Variants in SYNGR3 observed in about 807,000 individuals in gnomAD.
SYNGR3 encodes synaptogyrin-3.
SYNGR3 carries 10 observed loss-of-function variants against 18.5 expected under a neutral mutation model. That is an observed-to-expected ratio of 0.54 (90% CI 0.33 to 0.92). The LOEUF (loss-of-function observed/expected upper bound fraction) is 0.92. Ranked by LOEUF, SYNGR3 falls within the 40% of genes least tolerant of loss-of-function variation. The probability of loss-of-function intolerance (pLI) is 0.02; values close to 1 mark genes in which losing one functional copy is unlikely to be tolerated. For missense variants in SYNGR3, 335 were observed against 332.8 expected (o/e 1.01, Z -0.05); for synonymous variants, 188 against 157.2 (o/e 1.20, Z -1.47).
At position 1,992,863 on chromosome 16, in the gene SYNGR3, G is replaced by A. The variant is rs780719847; in HGVS notation, c.481G>A (p.Val161Met). The change falls in exon 4 of 4, where the codon GTG (valine) becomes ATG (methionine). Residue 161 changes from valine to methionine, a missense_variant and splice_region_variant. Physicochemically the swap from Val to Met is conservative, Grantham distance 21 (BLOSUM62 1). Coordinates refer to ENST00000248121, the MANE Select transcript of SYNGR3 (RefSeq NM_004209.6). ...AFSFFSILSW[V>M]ALTVKALQRF... The stretch of plus-strand genomic sequence containing the variant: ...ACCCCGCTGACCCCGCCCCGCGCAG[G>A]TGGCGCTCACCGTGAAGGCCCTGCA... 9 of 1,562,968 alleles carry A rather than the reference G, an allele frequency of 5.8e-6. No homozygotes were observed. The highest frequency in any genetic ancestry group is 7.8e-6 in the Non-Finnish European group (9 of 1,154,554).
rs538632858 is a variant in SYNGR3, at chr16:1,992,399, G to T, written c.337+188G>T. The T allele has an allele frequency of 8.5e-6, 6 of 709,768 alleles. No individual in the cohort carries two copies. The Admixed American group carries it at 1.7e-4, about 20-fold the overall frequency. The allele number at this position is 709,768 out of a possible 1,614,324, so 44.0% of individuals were successfully genotyped here. ...AGGGGGCGGAGCCTGGACGGGGAGC[G>T]CCGCGGGACTTTCTAGGTAGGCGGG... On this transcript the variant is annotated intron_variant, in intron 2 of 3. Coordinates refer to ENST00000248121, the MANE Select transcript of SYNGR3 (RefSeq NM_004209.6).
intron 2 of SYNGR3, 45 bp downstream of exon 2, chr16:1,992,256 G>C: frequency 1.1e-6 from 1 of 939,576 alleles, no homozygotes; most frequent in Non-Finnish European, 1.5e-6. Flanking sequence ...TTCCGGGTGG[G>C]CGGGGAGGGG....
In SYNGR3 at chr16:1,993,511, TC is replaced by T. The variant is rs1457656475; in HGVS notation, c.*442del. ...TCCTGGCCACTGTTCCCATCCCATGTCCCTGTGGGTAGTGACTGTCTCGTTT... is the reference window on the plus strand; with the variant it reads ...TCCTGGCCACTGTTCCCATCCCATGTCCTGTGGGTAGTGACTGTCTCGTTT... On this transcript the variant is annotated 3_prime_UTR_variant, in exon 4 of 4. Coordinates refer to ENST00000248121, the MANE Select transcript of SYNGR3 (RefSeq NM_004209.6). 1 of 470,056 alleles carries T rather than the reference TC, an allele frequency of 2.1e-6. No homozygotes were observed. Among genetic ancestry groups the T allele is most frequent in the Admixed American group, 2.3e-5 (1 of 42,916 alleles). The allele number at this position is 470,056 out of a possible 1,614,324, so 29.1% of individuals were successfully genotyped here.
In SYNGR3 at chr16:1,992,774, G is replaced by C; in HGVS notation, c.476G>C (p.Ser159Thr). The C allele has an allele frequency of 1.3e-6, 2 of 1,562,794 alleles. No homozygotes were observed. The highest frequency in any genetic ancestry group is 1.7e-6 in the Non-Finnish European group (2 of 1,158,740). Residue 159 changes from serine to threonine, a missense_variant, in exon 3 of 4, where the codon AGC becomes ACC. Coordinates refer to ENST00000248121, the MANE Select transcript of SYNGR3 (RefSeq NM_004209.6). Reference protein sequence around the residue: ...AIAFSFFSILSWVALTVKALQ... With the variant: ...AIAFSFFSILTWVALTVKALQ... ...GCCTTCAGCTTCTTCTCCATCCTCA[G>C]CTGGGTGAGTGCGGGGCCCGGGAGG...
At chr16:1,992,488 C>T (rs1249725428) in intron 2 of SYNGR3, 148 bp from the exon 3 acceptor site, 4 of 1,149,462 alleles carry the variant, frequency 3.5e-6, no homozygotes, top group Non-Finnish European at 3.5e-6. Flanking sequence ...GCGGGGTCAG[C>T]GCAGGAGAGG....
At chr16:1,992,836 T>C (rs1032333358) in intron 3 of SYNGR3, 27 bp from the exon 4 acceptor site, 1 of 1,516,816 alleles carries the variant, frequency 6.6e-7, no homozygotes, top group Non-Finnish European at 8.8e-7. Flanking sequence ...TGATCCCGGC[T>C]GACCCCGCTG....
In SYNGR3 at chr16:1,993,025, G is replaced by A. The variant is rs2083613599; in HGVS notation, c.643G>A (p.Glu215Lys). The A allele has an allele frequency of 3.1e-6, 5 of 1,611,964 alleles. No individual in the cohort carries two copies. Among genetic ancestry groups the A allele is most frequent in the Non-Finnish European group, 4.2e-6 (5 of 1,179,700 alleles). Residue 215 changes from glutamate (E) to lysine (K), a missense_variant, in exon 4 of 4, where the codon GAG becomes AAG. Transcript: ENST00000248121. ...TETYQSPPFT[E>K]TLDTSPKGYQ... ...GACCTACCAGAGCCCGCCCTTCACC[G>A]AGACCCTGGACACCAGCCCCAAAGG...
In SYNGR3 at chr16:1,993,520, G is replaced by A. The variant is rs1268470982; in HGVS notation, c.*448G>A. 4 of 467,736 alleles carry A rather than the reference G, an allele frequency of 8.6e-6. No homozygotes were observed. Among genetic ancestry groups the A allele is most frequent in the African/African-American group, 2.0e-5 (1 of 50,560 alleles). The allele number at this position is 467,736 out of a possible 1,614,324, so 29.0% of individuals were successfully genotyped here. On this transcript the variant is annotated 3_prime_UTR_variant, in exon 4 of 4. Coordinates refer to ENST00000248121, the MANE Select transcript of SYNGR3 (RefSeq NM_004209.6). Reference sequence around the variant, plus strand: ...CTGTTCCCATCCCATGTCCCTGTGGGTAGTGACTGTCTCGTTTCTGTCATG... The same window carrying A: ...CTGTTCCCATCCCATGTCCCTGTGGATAGTGACTGTCTCGTTTCTGTCATG...
intron 1 of SYNGR3, 62 bp downstream of exon 1, chr16:1,990,263 C>CCGGGGGGGGGGG: frequency 1.2e-6 from 1 of 814,060 alleles, no homozygotes; most frequent in Non-Finnish European, 1.6e-6. Flanking sequence ...AGGCCCCTAC[C>CCGGGGGGGGGGG]AGCCCCCTGC....
Position 1,993,500 on chromosome 16 carries a change from C to CCGAA in SYNGR3, c.*429_*430insGAAC. On this transcript the variant is annotated 3_prime_UTR_variant, in exon 4 of 4. Coordinates refer to ENST00000248121, the MANE Select transcript of SYNGR3 (RefSeq NM_004209.6). ...AAGACTGGGGATCCTGGCCACTGTT[C>CCGAA]CCATCCCATGTCCCTGTGGGTAGTG... 2.1e-6 allele frequency: 1 copy of CCGAA among 474,954 alleles called. No homozygotes were observed. Among genetic ancestry groups the CCGAA allele is most frequent in the South Asian group, 1.5e-5 (1 of 64,714 alleles). The allele number at this position is 474,954 out of a possible 1,614,324, so 29.4% of individuals were successfully genotyped here.
rs1475482625 is a variant in SYNGR3, at chr16:1,994,152, G to A, written c.*1080G>A. ...TCTGTGTGGATATTTAAGTGAACAT[G>A]TTTACAATTTTTGTATATATCACTC... is the stretch of plus-strand genomic sequence containing the variant. On this transcript the variant is annotated 3_prime_UTR_variant, in exon 4 of 4. Coordinates refer to ENST00000248121, the MANE Select transcript of SYNGR3 (RefSeq NM_004209.6). 6.5e-6 allele frequency: 1 copy of A among 154,528 alleles called. No homozygotes were observed. Among genetic ancestry groups the A allele is most frequent in the African/African-American group, 2.4e-5 (1 of 41,460 alleles). The allele number at this position is 154,528 out of a possible 1,614,324, so 9.6% of individuals were successfully genotyped here. A position where few individuals can be genotyped will look rare whatever the true frequency, so the allele number is the denominator to read the frequency against.
rs28537620 is a variant in SYNGR3, at chr16:1,993,091, C to G, written c.*19C>G. The G allele has an allele frequency of 5.0e-4, 801 of 1,597,448 alleles. 4 individuals are homozygous for G. In the African/African-American group the frequency reaches 9.6e-3, roughly 19 times the overall value. ...CTACTAGCGGCTGGCAGGCACAGACCAGGGCTCCAAGGCCACCCCACCAAC... is the reference window on the plus strand; with the variant it reads ...CTACTAGCGGCTGGCAGGCACAGACGAGGGCTCCAAGGCCACCCCACCAAC... On this transcript the variant is annotated 3_prime_UTR_variant, in exon 4 of 4. Coordinates refer to ENST00000248121, the MANE Select transcript of SYNGR3 (RefSeq NM_004209.6).
At chr16:1,992,479 C>A (rs1456978733) in intron 2 of SYNGR3, 157 bp from the exon 3 acceptor site, 3 of 1,070,132 alleles carry the variant, frequency 2.8e-6, no homozygotes, top group East Asian at 6.4e-5. Context: ...CCCGGGTGGG[C>A]GGGGTCAGCG....
chr16:1,992,059 A>G lies in SYNGR3; in HGVS notation c.185A>G (p.Asn62Ser), dbSNP rs745801554. 8.3e-6 allele frequency: 13 copies of G among 1,573,890 alleles called. No individual in the cohort carries two copies. The highest frequency in any genetic ancestry group is 1.0e-5 in the Non-Finnish European group (12 of 1,161,756). The change falls in exon 2 of 4, where the codon AAC (asparagine) becomes AGC (serine). Residue 62 changes from asparagine to serine, a missense_variant. By Grantham distance (46) the Asn-to-Ser change is conservative (BLOSUM62 1). Coordinates refer to ENST00000248121, the MANE Select transcript of SYNGR3 (RefSeq NM_004209.6). ...GGCCCCGAGCTGCGCTGCGTGTTCA[A>G]CGGGAACGCGGGCGCCTGCCGCTTC... Reference protein sequence around the residue: ...DSGPELRCVFNGNAGACRFGV... With the variant: ...DSGPELRCVFSGNAGACRFGV...
chr16:1,991,804 G>A, intron 1 of SYNGR3, 170 bp from the exon 2 acceptor site: 1 of 595,892 alleles, frequency 1.7e-6, no homozygotes, highest in Non-Finnish European at 2.9e-6. Context: ...AACGGCCCGT[G>A]TTGTCAATAA....
Position 1,990,038 on chromosome 16 carries a change from CG to C in SYNGR3, c.-61del, listed in dbSNP as rs2083593701. The stretch of plus-strand genomic sequence containing the variant: ...CAGCGGCAGCGGCAGCGGCCTCGGG[CG>C]GGGCCGGCCGGACGGACAGGCGGAC... On this transcript the variant is annotated 5_prime_UTR_variant, in exon 1 of 4. Coordinates refer to ENST00000248121, the MANE Select transcript of SYNGR3 (RefSeq NM_004209.6). 1 of 639,836 alleles carries C rather than the reference CG, an allele frequency of 1.6e-6. No individual in the cohort carries two copies. Among genetic ancestry groups the C allele is most frequent in the Non-Finnish European group, 2.1e-6 (1 of 469,522 alleles). The allele number at this position is 639,836 out of a possible 1,614,324, so 39.6% of individuals were successfully genotyped here. A position where few individuals can be genotyped will look rare whatever the true frequency, so the allele number is the denominator to read the frequency against.
chr16:1,991,013 C>G (rs572280187), intron 1 of SYNGR3: 1 of 151,484 alleles, frequency 6.6e-6, no homozygotes, highest in African/African-American at 2.4e-5. Context: ...CTCTTGGGGA[C>G]AAGTGCATGT....
intron 2 of SYNGR3, 89 bp from the exon 3 acceptor site, chr16:1,992,547 C>G (rs1179801070): frequency 6.8e-7 from 1 of 1,476,738 alleles, no homozygotes; most frequent in Non-Finnish European, 8.9e-7. Flanking sequence ...GCGCCCCAAG[C>G]CTCGGGCCCA....
At chr16:1,992,340 AG>A (rs2083608582) in intron 2 of SYNGR3, 129 bp downstream of exon 2, 2 of 170,888 alleles carry the variant, frequency 1.2e-5, no homozygotes. Context: ...GGACTGAGGC[AG>A]GGAGTGTCAA....
Sources: allele counts gnomAD v4.1 joint callset, GRCh38; gene constraint gnomAD v4.1.1; transcripts MANE v1.5; gene names NCBI Gene and HGNC (gene_info 2026-07-23, HGNC 2026-07-21).